The following INF2 variants were observed in gnomAD, a reference collection of about 807,000 sequenced individuals.
INF2 encodes inverted formin-2.
A neutral mutation model predicts 123.5 loss-of-function variants in INF2; 43 were observed. The observed-to-expected ratio is 0.35, with a 90% CI of 0.27 to 0.45. The LOEUF is 0.45. Among genes scored for constraint, INF2 ranks in the 20% least tolerant of loss-of-function variants. The probability of loss-of-function intolerance (pLI) is 1.00; values close to 1 mark genes in which losing one functional copy is unlikely to be tolerated. For synonymous variants in INF2, 851 were observed against 745.0 expected (o/e 1.14, Z -2.32); for missense variants, 1,453 against 1,682.7 (o/e 0.86, Z 2.39).
intron 5 of INF2, 137 bp downstream of exon 5, chr14:104,704,086 CA>C: frequency 2.0e-6 from 3 of 1,515,052 alleles, no homozygotes; most frequent in Non-Finnish European, 2.6e-6. Flanking sequence ...GGAGTAACCC[CA>C]GGGGTCCAGC....
chr14:104,708,402 C>T (rs749592015), intron 8 of INF2, 34 bp from the exon 9 acceptor site: 8 of 1,607,220 alleles, frequency 5.0e-6, no homozygotes, highest in African/African-American at 2.7e-5. Context: ...CCCGGGGCTG[C>T]GAGAGCCTCA....
chr14:104,694,512 C>A (rs947518858), intron 1 of INF2, among the ~76,000 whole-genome samples: 1 of 152,182 alleles, frequency 6.6e-6, no homozygotes, highest in African/African-American at 2.4e-5. Context: ...GCGGTCAGTG[C>A]GTGGTTATGC....
chr14:104,703,933 G>C lies in INF2; in HGVS notation c.685G>C (p.Val229Leu). The C allele has an allele frequency of 6.2e-7, 1 of 1,610,816 alleles. No homozygotes were observed. Among genetic ancestry groups the C allele is most frequent in the Non-Finnish European group, 8.5e-7 (1 of 1,179,982 alleles). The change falls in exon 5 of 23, where the codon GTC becomes CTC. Residue 229 changes from valine to leucine, a missense_variant. Physicochemically the swap from Val to Leu is conservative, Grantham distance 32. Around this residue, in one of 8 missense-constraint regions of INF2, gnomAD observed 251 missense variants for 349.4 expected, o/e 0.72. Coordinates refer to ENST00000392634, the MANE Select transcript of INF2 (RefSeq NM_022489.4). ...CTTCCCAGGGCTGCAGCTGCTGGAC[G>C]TCCTGGCTCGCCTGCGGTGAGTCCC... ...NEFIGLQLLDVLARLRDLEDA... is the reference protein window; with the variant it reads ...NEFIGLQLLDLLARLRDLEDA...
At chr14:104,708,934 C>G (rs1351011656) in intron 10 of INF2, among the ~76,000 whole-genome samples, 1 of 152,158 alleles carries the variant, frequency 6.6e-6, no homozygotes, top group Non-Finnish European at 1.5e-5. Context: ...GCGCTGGGAC[C>G]TCCCCCCACA....
chr14:104,703,867 AG>A (rs777449380), intron 4 of INF2, 48 bp from the exon 5 acceptor site: 2 of 1,609,722 alleles, frequency 1.2e-6, no homozygotes, highest in Non-Finnish European at 1.7e-6. Context: ...GAAATGGGGA[AG>A]GCGGGGAGTG....
chr14:104,689,222 A>G (rs2140587263), upstream of INF2: 1 of 985,284 alleles, frequency 1.0e-6, no homozygotes, highest in South Asian at 4.7e-5. Flanking sequence ...CTGGAACGGG[A>G]GTCCCGGGCC....
Position 104,707,413 on chromosome 14 carries a change from C to T in INF2, c.1146C>T (p.Ser382=), listed in dbSNP as rs756188227. 1.1e-5 allele frequency: 17 copies of T among 1,581,252 alleles called. No individual in the cohort carries two copies. In the South Asian group the frequency reaches 1.3e-4, roughly 12 times the overall value. ...SPQNTTTPKP[S]VEGQQPAAAA... ...AAAACACTACAACCCCCAAGCCCAG[C>T]GTGGAGGGCCAGCAGCCAGCAGCAG... The change falls in exon 8 of 23, where the codon AGC becomes AGT. Residue 382 remains serine, a synonymous_variant. Transcript: ENST00000392634.
At position 104,684,078 on chromosome 14, in the gene INF2, T is replaced by C. The variant is rs750823779; in HGVS notation, c.-104+2496T>C. On this transcript the variant is annotated intron_variant, in intron 1 of 2. Coordinates refer to the INF2 transcript ENST00000674723. This position sits in a 1 kb window ranked among gnomAD's most constrained non-coding sequence, Gnocchi z 5.0. ...ACCTCGTTAGGTGGAGAACCCCTTC[T>C]TTAAGCAAAAGATGGCACGGACCCC... 2.6e-5 allele frequency: 12 copies of C among 455,990 alleles called. No homozygotes were observed. The highest frequency in any genetic ancestry group is 1.5e-4 in the South Asian group (10 of 64,544). 28.2% of individuals were successfully genotyped at this position (455,990 alleles called of 1,614,324 possible).
intron 16 of INF2, 91 bp downstream of exon 16, chr14:104,711,790 G>A: frequency 8.1e-7 from 1 of 1,227,214 alleles, no homozygotes; most frequent in South Asian, 1.3e-5. Context: ...CCAGGGCTGG[G>A]TCTCACAGCT....
At position 104,712,542 on chromosome 14, in the gene INF2, G is replaced by A. The variant is rs777850657; in HGVS notation, c.2599G>A (p.Glu867Lys). 4.0e-5 allele frequency: 65 copies of A among 1,612,504 alleles called. No individual in the cohort carries two copies. Among genetic ancestry groups the A allele is most frequent in the South Asian group, 2.3e-4 (21 of 91,048 alleles). The change falls in exon 17 of 23, where the codon GAG becomes AAG. Residue 867 changes from glutamate to lysine, a missense_variant. Physicochemically the swap from Glu to Lys is moderately conservative, Grantham distance 56. Transcript: ENST00000392634. ...GGCCGAGGTCCAGGAGCAGTACACCGAGCGCCTCCAGGCAAGTGGGCACCT... is the reference window on the plus strand; with the variant it reads ...GGCCGAGGTCCAGGAGCAGTACACCAAGCGCCTCCAGGCAAGTGGGCACCT... Reference protein sequence around the residue: ...SVAEVQEQYTERLQASISAFR... With the variant: ...SVAEVQEQYTKRLQASISAFR...
chr14:104,709,507 C>A, intron 11 of INF2, 113 bp from the exon 12 acceptor site: 1 of 1,291,160 alleles, frequency 7.7e-7, no homozygotes, highest in Non-Finnish European at 1.1e-6. Flanking sequence ...CTGCCCTGAA[C>A]CGTGAGCCAC....
At chr14:104,693,886 C>T (rs1233490859) in intron 1 of INF2, among the ~76,000 whole-genome samples, 1 of 152,220 alleles carries the variant, frequency 6.6e-6, no homozygotes, top group Non-Finnish European at 1.5e-5. Context: ...AGGCACAGCT[C>T]AGACTGTCGC....
rs1349764218 is a variant in INF2, at chr14:104,715,310, AAAAC to A, written c.3725_3728del (p.Thr1242ArgfsTer5). ...GGTTCCCCCTGATTCTGATGATAATAAAACAAAGAAACTGTGTGTGATCCAGTAA... is the reference window on the plus strand; with the variant it reads ...GGTTCCCCCTGATTCTGATGATAATAAAAGAAACTGTGTGTGATCCAGTAA... On this transcript the variant is annotated frameshift_variant, in exon 22 of 23. Transcript: ENST00000392634. LOFTEE classifies it high-confidence loss of function. 7 of 1,613,648 alleles carry A rather than the reference AAAAC, an allele frequency of 4.3e-6. No homozygotes were observed. The highest frequency in any genetic ancestry group is 1.7e-5 in the Admixed American group (1 of 60,026).
chr14:104,694,392 G>C (rs983946610), intron 1 of INF2, among the ~76,000 whole-genome samples: 1 of 152,236 alleles, frequency 6.6e-6, no homozygotes, highest in African/African-American at 2.4e-5. Context: ...CCTGGCACTG[G>C]CTGCCTGGAG....
At chr14:104,685,745 A>G (rs1275298994), upstream of INF2, among the ~76,000 whole-genome samples, 4 of 146,830 alleles carry the variant, frequency 2.7e-5, no homozygotes, top group Admixed American at 6.8e-5. Flanking sequence ...ATGGATGGGC[A>G]GATGGATGGA....
upstream of INF2, chr14:104,689,587 T>TGCTACC: frequency 1.2e-6 from 1 of 851,068 alleles, no homozygotes; most frequent in Non-Finnish European, 1.4e-6. Flanking sequence ...CACCTCCTCT[T>TGCTACC]CCTCCCGCCC....
chr14:104,683,215 C>T (rs576756640), intron 1 of INF2, among the ~76,000 whole-genome samples: 8 of 151,898 alleles, frequency 5.3e-5, no homozygotes, highest in South Asian at 4.2e-4. Flanking sequence ...GGAGGAGGGG[C>T]CCTGGGGAGG....
At chr14:104,693,836 T>C (rs1031740345) in intron 1 of INF2, among the ~76,000 whole-genome samples, 2 of 152,216 alleles carry the variant, frequency 1.3e-5, no homozygotes, top group Non-Finnish European at 2.9e-5. Flanking sequence ...ACAGCCTGCC[T>C]GCCCCACCCT....
chr14:104,681,309 G>T, exon 1 of INF2: 1 of 404,794 alleles, frequency 2.5e-6, no homozygotes, highest in East Asian at 7.2e-5. Flanking sequence ...CACTGCCAGC[G>T]AAAGGTGAAA....
Sources: gnomAD v4.1 joint callset for allele counts (sites outside exome capture counted in the v4.1 genomes callset) on GRCh38, gnomAD v4.1.1 for gene constraint, gnomAD v4.1.1 regional missense constraint, Gnocchi (gnomAD v3.1) non-coding constraint, MANE v1.5 for transcripts, NCBI Gene and HGNC (gene_info 2026-07-23, HGNC 2026-07-21) for gene names.